Variants in STK24 observed in about 807,000 individuals in gnomAD.
The protein encoded by STK24 is serine/threonine-protein kinase 24.
Under a neutral mutation model 55.6 loss-of-function variants are expected in STK24, and 21 were observed. That is an observed-to-expected ratio of 0.38 (90% confidence interval 0.27 to 0.54). The LOEUF is 0.54. STK24 is among the 20% of genes least tolerant of loss of function. The pLI is 0.79. For missense variants in STK24, 383 were observed against 538.4 expected (o/e 0.71, Z 2.86); for synonymous variants, 200 against 215.2 (o/e 0.93, Z 0.62).
intron 1 of STK24, 70 bp downstream of exon 1, chr13:98,576,675 T>C: frequency 1.5e-6 from 2 of 1,321,124 alleles, no homozygotes; most frequent in Non-Finnish European, 2.0e-6. Context: ...GGGGACGCCG[T>C]GTGGATACCG....
chr13:98,559,108 T>C (rs1418773830), intron 1 of STK24, among the ~76,000 whole-genome samples: 1 of 151,038 alleles, frequency 6.6e-6, no homozygotes, highest in African/African-American at 2.4e-5. Flanking sequence ...AACAATCTCT[T>C]GAACTCAGGA....
chr13:98,500,376 G>A (rs193114926), intron 2 of STK24, among the ~76,000 whole-genome samples: 50 of 152,288 alleles, frequency 3.3e-4, no homozygotes, highest in East Asian at 2.7e-3. Context: ...AGAAGGCTCT[G>A]CCATGTCTTG....
chr13:98,569,510 G>C (rs1358994313), intron 1 of STK24, among the ~76,000 whole-genome samples: 2 of 152,080 alleles, frequency 1.3e-5, no homozygotes, highest in African/African-American at 4.8e-5. Context: ...CCAGAGGATG[G>C]GGGTGGCACA....
At chr13:98,460,325 T>C (rs1233412800) in intron 9 of STK24, 47 bp downstream of exon 9, 35 of 1,536,374 alleles carry the variant, frequency 2.3e-5, no homozygotes, top group Admixed American at 3.4e-5. Flanking sequence ...GTCCAGCTTC[T>C]CCTTCCCCCT....
At chr13:98,514,205 G>C (rs752804992) in intron 2 of STK24, among the ~76,000 whole-genome samples, 1 of 152,198 alleles carries the variant, frequency 6.6e-6, no homozygotes, top group Admixed American at 6.5e-5. Context: ...TTATGCGGGG[G>C]AGAAGCATCC....
Position 98,457,149 on chromosome 13 carries a change from AG to A in STK24, c.1259+18del. On this transcript the variant is annotated intron_variant, in intron 10 of 10. Coordinates refer to ENST00000539966, the MANE Select transcript of STK24 (RefSeq NM_001032296.4). ...GCAGGTCTCTCCTTCCCCAGCCCAG[AG>A]GGGCCCTGGGTAGTTACCTCTGGAG... 1.2e-6 allele frequency: 2 copies of A among 1,605,992 alleles called. No homozygotes were observed. The highest frequency in any genetic ancestry group is 1.7e-6 in the Non-Finnish European group (2 of 1,176,488).
intron 2 of STK24, among the ~76,000 whole-genome samples, chr13:98,514,320 T>C (rs749592314): frequency 4.7e-4 from 71 of 152,162 alleles, no homozygotes; most frequent in Admixed American, 1.2e-3. Context: ...AAATGACTGG[T>C]TTTTCTGTTT....
rs577256330 is a variant in STK24 at position 98,471,920 on chromosome 13, T to A, written c.597+2901A>T. 1.2e-3 allele frequency among the ~76,000 whole-genome samples: 188 copies of A among 152,298 alleles called. 3 individuals carry two copies. The South Asian group carries it at 0.016, about 13-fold the overall frequency. On this transcript the variant is annotated intron_variant, in intron 5 of 10. Transcript: ENST00000539966. ...AATAGCTGGAAGGTCTTTCCTTACC[T>A]GCAGTGCACAGACTAGGAGGGGAAA...
chr13:98,498,523 T>C (rs1232147270), intron 2 of STK24, among the ~76,000 whole-genome samples: 6 of 152,080 alleles, frequency 3.9e-5, no homozygotes, highest in Non-Finnish European at 7.4e-5. Context: ...AATGAGGGCA[T>C]TGGTTGGGAA....
chr13:98,532,960 C>T (rs1318647893), intron 1 of STK24, among the ~76,000 whole-genome samples: 1 of 152,212 alleles, frequency 6.6e-6, no homozygotes, highest in Admixed American at 6.5e-5. Flanking sequence ...TTTATTTTAT[C>T]CCTACAATAA....
At chr13:98,556,675 G>A (rs1328636897) in intron 1 of STK24, among the ~76,000 whole-genome samples, 5 of 152,104 alleles carry the variant, frequency 3.3e-5, no homozygotes, top group Non-Finnish European at 7.4e-5. Flanking sequence ...CACCCACCTG[G>A]GTTAAAATGA....
chr13:98,552,621 C>G lies in STK24; in HGVS notation c.42+24124G>C, dbSNP rs147209885. 1.6e-4 allele frequency among the ~76,000 whole-genome samples: 25 copies of G among 152,208 alleles called. No individual in the cohort carries two copies. In the East Asian group the frequency reaches 4.4e-3, roughly 27 times the overall value. ...ATGAGAACTGCCCATTAGAATCTGA[C>G]CTTGTGGAGGTCCAGGGTGGCTACC... On this transcript the variant is annotated intron_variant, in intron 1 of 10. Coordinates refer to ENST00000539966, the MANE Select transcript of STK24 (RefSeq NM_001032296.4).
At chr13:98,494,246 C>T (rs1336042012) in intron 2 of STK24, among the ~76,000 whole-genome samples, 1 of 148,384 alleles carries the variant, frequency 6.7e-6, no homozygotes, top group Non-Finnish European at 1.5e-5. Context: ...CCCGTCTCTA[C>T]TAAAAATACA....
intron 1 of STK24, among the ~76,000 whole-genome samples, chr13:98,556,762 C>G (rs1003695349): frequency 4.6e-5 from 7 of 152,168 alleles, no homozygotes; most frequent in African/African-American, 1.7e-4. Context: ...GCTGTTTAAA[C>G]AGCCTTAAAT....
chr13:98,458,206 A>T (rs1893546983), intron 9 of STK24, among the ~76,000 whole-genome samples: 1 of 152,198 alleles, frequency 6.6e-6, no homozygotes, highest in Admixed American at 6.5e-5. Context: ...CCCTCAGTTG[A>T]AGGTCAACTC....
chr13:98,466,051 T>TA (rs1893915090), intron 6 of STK24, among the ~76,000 whole-genome samples: 1 of 152,236 alleles, frequency 6.6e-6, no homozygotes, highest in African/African-American at 2.4e-5. Context: ...TTGCCATTAT[T>TA]AAAAACAGTG....
At chr13:98,527,658 G>A (rs1016919052) in intron 1 of STK24, among the ~76,000 whole-genome samples, 5 of 152,118 alleles carry the variant, frequency 3.3e-5, no homozygotes, top group Non-Finnish European at 5.9e-5. Flanking sequence ...CACAGGCCCC[G>A]CAGGCAAACC....
At chr13:98,482,181 T>C in intron 3 of STK24, 84 bp downstream of exon 3, 2 of 696,982 alleles carry the variant, frequency 2.9e-6, no homozygotes, top group Non-Finnish European at 4.6e-6. Context: ...GAAAAAGAAA[T>C]GGATACATGC....
chr13:98,527,787 G>A (rs1473867304), intron 1 of STK24, among the ~76,000 whole-genome samples: 2 of 152,200 alleles, frequency 1.3e-5, no homozygotes, highest in African/African-American at 2.4e-5. Context: ...CAGAGCCAGC[G>A]GCCACGGGAG....
Sources: allele counts gnomAD v4.1 joint callset (sites outside exome capture counted in the v4.1 genomes callset), GRCh38; gene constraint gnomAD v4.1.1; transcripts MANE v1.5; gene names NCBI Gene and HGNC (gene_info 2026-07-23, HGNC 2026-07-21).